ANO4: variants seen among roughly 807,000 people sequenced by gnomAD.
ANO4 encodes anoctamin-4.
In ANO4, 69 loss-of-function variants were observed where a neutral mutation model predicts 141.9. The ratio of observed to expected loss-of-function variants is 0.49; its 90% CI spans 0.40 to 0.59. The LOEUF (loss-of-function observed/expected upper bound fraction) is 0.59, where lower values mean the gene tolerates loss of function less well. ANO4 is among the 20% of genes least tolerant of loss of function. The probability of loss-of-function intolerance (pLI) is 0.00; values close to 1 mark genes in which losing one functional copy is unlikely to be tolerated. For synonymous variants in ANO4, 350 were observed against 394.3 expected (o/e 0.89, Z 1.33); for missense variants, 894 against 1,162.2 (o/e 0.77, Z 3.36).
At chr12:100,739,554 C>T (rs1251961930) in intron 2 of ANO4, among the ~76,000 whole-genome samples, 2 of 152,098 alleles carry the variant, frequency 1.3e-5, no homozygotes, top group African/African-American at 4.8e-5. Context: ...CAGTTTCTAT[C>T]TTATAGTAGG....
In ANO4 at chr12:100,922,216, A is replaced by C; in HGVS notation, c.56-10A>C. ...AGTGCAAACTCCATGAATATCTTTC[A>C]TTTCTCTAGAAGGAGGTGTGGATTT... On this transcript the variant is annotated splice_polypyrimidine_tract_variant and intron_variant, in intron 2 of 27. Transcript: ENST00000392977. The C allele has an allele frequency of 6.6e-7, 1 of 1,523,354 alleles. No homozygotes were observed. The highest frequency in any genetic ancestry group is 8.8e-7 in the Non-Finnish European group (1 of 1,141,360). 94.4% of individuals were successfully genotyped at this position (1,523,354 alleles called of 1,614,324 possible).
chr12:100,725,537 G>A (rs1253257633), intron 1 of ANO4, among the ~76,000 whole-genome samples: 2 of 151,708 alleles, frequency 1.3e-5, no homozygotes, highest in African/African-American at 4.8e-5. Flanking sequence ...TGGTAGAGAC[G>A]GGGTTTCACC....
intron 18 of ANO4, among the ~76,000 whole-genome samples, chr12:101,095,747 G>T (rs2049956559): frequency 6.6e-6 from 1 of 152,174 alleles, no homozygotes; most frequent in African/African-American, 2.4e-5. Context: ...CATTTCATTA[G>T]ACATTGCTTG....
intron 1 of ANO4, among the ~76,000 whole-genome samples, chr12:100,851,823 A>G (rs2037889745): frequency 6.6e-6 from 1 of 152,040 alleles, no homozygotes; most frequent in South Asian, 2.1e-4. Context: ...AGACAAGCCA[A>G]CGTACCTGAT....
At chr12:100,973,000 A>G (rs1432914233) in intron 6 of ANO4, among the ~76,000 whole-genome samples, 2 of 152,238 alleles carry the variant, frequency 1.3e-5, no homozygotes. Context: ...AAGCAGCATT[A>G]ATACTGTTTT....
intron 1 of ANO4, among the ~76,000 whole-genome samples, chr12:100,887,966 A>C (rs1239106107): frequency 6.6e-6 from 1 of 152,176 alleles, no homozygotes; most frequent in African/African-American, 2.4e-5. Flanking sequence ...AGGTGACCGG[A>C]AATAAATATC....
rs117858840 is a variant in ANO4, at chr12:101,020,530, G to A, written c.841+390G>A. On this transcript the variant is annotated intron_variant, in intron 9 of 27. Coordinates refer to ENST00000392977, the MANE Select transcript of ANO4 (RefSeq NM_001286615.2). ...AAACTGGATGATGATACAGAGATAG[G>A]CTGGTAAAAGGTGGGAGTGAGTTCA... Among the ~76,000 whole-genome samples the A allele has an allele frequency of 4.3e-4, 65 of 152,296 alleles. No homozygotes were observed. In the East Asian group the frequency reaches 0.012, roughly 28 times the overall value.
intron 1 of ANO4, among the ~76,000 whole-genome samples, chr12:100,877,468 A>G (rs1210620269): frequency 2.0e-5 from 3 of 151,660 alleles, no homozygotes; most frequent in Non-Finnish European, 2.9e-5. Context: ...TATGGGTTCC[A>G]GAAGGTTGGC....
chr12:100,814,651 T>A (rs2035630167), intron 1 of ANO4, among the ~76,000 whole-genome samples: 1 of 151,930 alleles, frequency 6.6e-6, no homozygotes, highest in Non-Finnish European at 1.5e-5. Context: ...CCAAGAATAC[T>A]AGATTAGGTT....
intron 14 of ANO4, among the ~76,000 whole-genome samples, chr12:101,065,286 T>A (rs114515645): frequency 0.011 from 1,628 of 152,258 alleles, 30 homozygotes; most frequent in African/African-American, 0.037. Context: ...TGTGGCATCT[T>A]CTGAGGGTCT....
chr12:101,119,483 A>G (rs1215019331), intron 25 of ANO4, among the ~76,000 whole-genome samples: 1 of 152,094 alleles, frequency 6.6e-6, no homozygotes, highest in Non-Finnish European at 1.5e-5. Context: ...TATAGGAATG[A>G]CCAGCCTGTA....
intron 8 of ANO4, 130 bp downstream of exon 8, chr12:100,987,800 T>C: frequency 7.8e-7 from 1 of 1,282,134 alleles, no homozygotes; most frequent in South Asian, 1.5e-5. Context: ...AAAAGTCTTG[T>C]GAGTGTTCAT....
At chr12:100,950,498 G>C (rs1319460031) in intron 5 of ANO4, among the ~76,000 whole-genome samples, 1 of 152,200 alleles carries the variant, frequency 6.6e-6, no homozygotes, top group African/African-American at 2.4e-5. Context: ...TGAGTCTTAG[G>C]CTGGATTTCC....
At chr12:100,815,217 G>A (rs945269152) in intron 1 of ANO4, among the ~76,000 whole-genome samples, 1 of 152,094 alleles carries the variant, frequency 6.6e-6, no homozygotes, top group Non-Finnish European at 1.5e-5. Flanking sequence ...AGACATTATT[G>A]TATGGTCTTT....
intron 22 of ANO4, among the ~76,000 whole-genome samples, chr12:101,106,927 T>G (rs761437968): frequency 1.3e-5 from 2 of 150,542 alleles, no homozygotes; most frequent in African/African-American, 4.9e-5. Context: ...CATTAATCAC[T>G]TCAAGACCAA....
intron 1 of ANO4, among the ~76,000 whole-genome samples, chr12:100,813,512 T>C (rs149488591): frequency 1.3e-5 from 2 of 152,306 alleles, no homozygotes; most frequent in Non-Finnish European, 2.9e-5. Context: ...TATAGTGCAT[T>C]GTGCAGGGGT....
intron 9 of ANO4, among the ~76,000 whole-genome samples, chr12:101,025,718 G>A (rs927625797): frequency 2.6e-5 from 4 of 152,174 alleles, no homozygotes; most frequent in Non-Finnish European, 4.4e-5. Context: ...TGTATAACAA[G>A]GGTAATACAT....
intron 26 of ANO4, among the ~76,000 whole-genome samples, chr12:101,122,452 C>A (rs2051135911): frequency 1.3e-5 from 2 of 152,166 alleles, no homozygotes; most frequent in Admixed American, 6.5e-5. Context: ...ACCATAAATT[C>A]TTTGCCCAGG....
intron 7 of ANO4, 108 bp downstream of exon 7, chr12:100,974,997 A>T: frequency 1.5e-6 from 2 of 1,319,424 alleles, no homozygotes; most frequent in Non-Finnish European, 2.2e-6. Context: ...GTCACATGGG[A>T]AAGTTGGCTG....
Sources: allele counts gnomAD v4.1 joint callset (sites outside exome capture counted in the v4.1 genomes callset), GRCh38; gene constraint gnomAD v4.1.1; transcripts MANE v1.5; gene names NCBI Gene and HGNC (gene_info 2026-07-23, HGNC 2026-07-21).